The following ZBTB20 variants were observed in gnomAD, a reference collection of about 807,000 sequenced individuals.
ZBTB20 encodes the protein zinc finger and BTB domain-containing protein 20.
Under a neutral mutation model 56.9 loss-of-function variants are expected in ZBTB20, and 9 were observed. The ratio of observed to expected loss-of-function variants is 0.16; its 90% CI spans 0.10 to 0.28. ZBTB20 has a LOEUF of 0.28. Among genes scored for constraint, ZBTB20 ranks in the 10% least tolerant of loss-of-function variants. ZBTB20 has a pLI of 1.00. For missense variants in ZBTB20, 655 were observed against 1,003.0 expected (o/e 0.65, Z 4.69); for synonymous variants, 417 against 420.7 (o/e 0.99, Z 0.11).
intron 5 of ZBTB20, among the ~76,000 whole-genome samples, chr3:114,785,496 C>A (rs558600772): frequency 1.1e-4 from 16 of 152,130 alleles, no homozygotes; most frequent in African/African-American, 3.9e-4. Flanking sequence ...TAGGGGGTGA[C>A]AGAAGAAGAT....
chr3:114,597,184 T>C (rs1560013559), intron 6 of ZBTB20, among the ~76,000 whole-genome samples: 1 of 152,170 alleles, frequency 6.6e-6, no homozygotes, highest in South Asian at 2.1e-4. Flanking sequence ...TCTGACATTT[T>C]CTTCTCCACA....
chr3:114,960,769 G>A (rs2077419702), intron 3 of ZBTB20, among the ~76,000 whole-genome samples: 1 of 152,014 alleles, frequency 6.6e-6, no homozygotes, highest in Admixed American at 6.6e-5. Context: ...CCAGTCTTAG[G>A]GAGATCCAAC....
At chr3:115,014,855 G>C (rs1315156256) in intron 2 of ZBTB20, among the ~76,000 whole-genome samples, 1 of 151,684 alleles carries the variant, frequency 6.6e-6, no homozygotes, top group Non-Finnish European at 1.5e-5. Context: ...ACATGTCAAG[G>C]AGAAAGACAA....
At chr3:114,677,503 C>G (rs2108221256) in intron 6 of ZBTB20, among the ~76,000 whole-genome samples, 1 of 152,220 alleles carries the variant, frequency 6.6e-6, no homozygotes, top group Admixed American at 6.5e-5. Context: ...AGTCTGCACA[C>G]TCCTTATGAG....
chr3:114,597,844 A>G (rs1391852036), intron 6 of ZBTB20, among the ~76,000 whole-genome samples: 1 of 152,178 alleles, frequency 6.6e-6, no homozygotes, highest in African/African-American at 2.4e-5. Flanking sequence ...TTGTTTTTGC[A>G]TCAACTTTTC....
chr3:114,833,055 G>T lies in ZBTB20; in HGVS notation c.-416-31881C>A, dbSNP rs570732217. 3.4e-4 allele frequency among the ~76,000 whole-genome samples: 51 copies of T among 152,076 alleles called. 2 individuals carry two copies. The East Asian group carries it at 9.7e-3, about 29-fold the overall frequency. ...AGAATAAGAGCTTTATATTCTAGAAGGTAGAAATCCTAGAAAAATCAAAGA... is the reference window on the plus strand; with the variant it reads ...AGAATAAGAGCTTTATATTCTAGAATGTAGAAATCCTAGAAAAATCAAAGA... On this transcript the variant is annotated intron_variant, in intron 4 of 11. Transcript: ENST00000675478.
intron 5 of ZBTB20, among the ~76,000 whole-genome samples, chr3:114,711,683 T>C (rs532270183): frequency 2.1e-4 from 32 of 152,360 alleles, no homozygotes; most frequent in African/African-American, 7.2e-4. Flanking sequence ...TTATGCTTGA[T>C]GAACCCTCAA....
intron 4 of ZBTB20, among the ~76,000 whole-genome samples, chr3:114,862,497 C>T (rs2075580017): frequency 1.3e-5 from 2 of 151,892 alleles, no homozygotes; most frequent in Admixed American, 6.6e-5. Context: ...AATAAACATC[C>T]TTGAAAATAG....
intron 7 of ZBTB20, among the ~76,000 whole-genome samples, chr3:114,497,474 C>T (rs2043416047): frequency 6.6e-6 from 1 of 152,190 alleles, no homozygotes. Context: ...CTACTTAACG[C>T]CTCCTGATTT....
intron 4 of ZBTB20, among the ~76,000 whole-genome samples, chr3:114,890,517 C>T (rs1029560164): frequency 5.3e-5 from 8 of 152,084 alleles, no homozygotes; most frequent in Non-Finnish European, 7.4e-5. Context: ...AACCAAATAC[C>T]GCATGTTCTC....
At chr3:114,871,344 T>C (rs1191916153) in intron 4 of ZBTB20, among the ~76,000 whole-genome samples, 1 of 152,168 alleles carries the variant, frequency 6.6e-6, no homozygotes, top group Non-Finnish European at 1.5e-5. Context: ...CTCTGCTAAA[T>C]ACATCTTTCA....
intron 6 of ZBTB20, among the ~76,000 whole-genome samples, chr3:114,511,887 A>G (rs2045439531): frequency 6.6e-6 from 1 of 152,146 alleles, no homozygotes; most frequent in South Asian, 2.1e-4. Context: ...TACTGGTCAG[A>G]AATATCACAG....
intron 5 of ZBTB20, among the ~76,000 whole-genome samples, chr3:114,798,390 A>G (rs142687441): frequency 6.6e-6 from 1 of 151,928 alleles, no homozygotes; most frequent in African/African-American, 2.4e-5. Context: ...ATAACAACCA[A>G]TGTTTTCAGG....
At position 114,974,402 on chromosome 3, in the gene ZBTB20, C is replaced by T. The variant is rs1408868442; in HGVS notation, c.-492G>A. ...AGAGTCCCAAAGGCAATTCTTAACA[C>T]TTCTTTTTATTTGTCTGTAAAAAAA... On this transcript the variant is annotated 5_prime_UTR_variant, in exon 3 of 12. It adds an upstream start codon to the 5' untranslated region. Transcript: ENST00000675478. 1.3e-5 allele frequency: 2 copies of T among 152,092 alleles called. No individual in the cohort carries two copies. Among genetic ancestry groups the T allele is most frequent in the Non-Finnish European group, 2.9e-5 (2 of 67,968 alleles). 9.4% of individuals were successfully genotyped at this position (152,092 alleles called of 1,614,324 possible). A position where few individuals can be genotyped will look rare whatever the true frequency, so the allele number is the denominator to read the frequency against.
At chr3:114,496,941 G>T (rs1317901638) in intron 7 of ZBTB20, among the ~76,000 whole-genome samples, 1 of 152,170 alleles carries the variant, frequency 6.6e-6, no homozygotes. Flanking sequence ...TGGGCAGTAG[G>T]AGGCACGCGA....
At chr3:115,049,285 C>T (rs888002030) in intron 2 of ZBTB20, among the ~76,000 whole-genome samples, 1 of 152,146 alleles carries the variant, frequency 6.6e-6, no homozygotes, top group Non-Finnish European at 1.5e-5. Context: ...CTATACCATA[C>T]ATTCTCAAAG....
rs747731379 is a variant in ZBTB20, at chr3:114,320,130, C to T, written c.*18875G>A. ...ATTGTAGTTTAAACTATGTATTTTT[C>T]TTACTTGATGATATTAATCTTTCAT... is the stretch of plus-strand genomic sequence containing the variant. On this transcript the variant is annotated 3_prime_UTR_variant, in exon 12 of 12. Transcript: ENST00000675478. 1 of 152,094 alleles carries T rather than the reference C, an allele frequency of 6.6e-6. No individual in the cohort carries two copies. The highest frequency in any genetic ancestry group is 2.4e-5 in the African/African-American group (1 of 41,434). 9.4% of individuals were successfully genotyped at this position (152,094 alleles called of 1,614,324 possible). A position where few individuals can be genotyped will look rare whatever the true frequency, so the allele number is the denominator to read the frequency against.
At chr3:114,845,505 G>C (rs1355675258) in intron 4 of ZBTB20, among the ~76,000 whole-genome samples, 1 of 151,242 alleles carries the variant, frequency 6.6e-6, no homozygotes, top group East Asian at 1.9e-4. Flanking sequence ...ACCCACCTCT[G>C]TGCCTCACCT....
intron 2 of ZBTB20, among the ~76,000 whole-genome samples, chr3:115,030,407 A>C (rs1481669019): frequency 1.3e-5 from 2 of 151,224 alleles, no homozygotes; most frequent in South Asian, 2.1e-4. Flanking sequence ...TTATCTGTTT[A>C]CATGTATTAC....
Sources: gnomAD v4.1 joint callset for allele counts (sites outside exome capture counted in the v4.1 genomes callset) on GRCh38, gnomAD v4.1.1 for gene constraint, MANE v1.5 for transcripts, NCBI Gene and HGNC (gene_info 2026-07-23, HGNC 2026-07-21) for gene names.